ERN2: variants seen among roughly 807,000 people sequenced by gnomAD.
ERN2 encodes serine/threonine-protein kinase/endoribonuclease IRE2.
Under a neutral mutation model 107.9 loss-of-function variants are expected in ERN2, and 111 were observed. The ratio of observed to expected loss-of-function variants is 1.03; its 90% CI spans 0.88 to 1.20. ERN2 has a LOEUF of 1.20. Among genes scored for constraint, ERN2 ranks in the 50% most tolerant of loss-of-function variants. The pLI, the probability that ERN2 is intolerant of heterozygous loss-of-function variation, is 0.00. For synonymous variants in ERN2, 524 were observed against 501.7 expected, an observed-to-expected ratio of 1.04 and a Z score of -0.59; for missense variants, 1,225 against 1,197.9, an observed-to-expected ratio of 1.02 and a Z score of -0.33.
At chr16:23,695,722 C>CAAAAAAAAAAAAA (rs57103138) in intron 14 of ERN2, among the ~76,000 whole-genome samples, 172 bp downstream of exon 14, 1 of 37,372 alleles carries the variant, frequency 2.7e-5, no homozygotes, top group African/African-American at 9.6e-5. Flanking sequence ...GAGCAAGACT[C>CAAAAAAAAAAAAA]AAAAAAAAAA....
intron 8 of ERN2, 149 bp downstream of exon 8, chr16:23,704,734 C>T: frequency 2.2e-6 from 2 of 918,498 alleles, no homozygotes; most frequent in Non-Finnish European, 1.7e-6. Flanking sequence ...TATTTACCAA[C>T]CAGTTGGGTA....
intron 13 of ERN2, 46 bp downstream of exon 13, chr16:23,700,493 G>C (rs1377471136): frequency 1.3e-6 from 2 of 1,548,456 alleles, no homozygotes; most frequent in South Asian, 2.5e-5. Context: ...TCTGCCCCTG[G>C]CTTTTCTCTG....
chr16:23,690,409 A>G lies in ERN2; in HGVS notation c.*422T>C. On this transcript the variant is annotated 3_prime_UTR_variant, in exon 22 of 22. Transcript: ENST00000256797. ...TGAGGGGTGCCAGGGCCTGGGATCC[A>G]GCGAACATCTCTGCTTCATCAGCCC... 2.2e-6 allele frequency: 1 copy of G among 461,346 alleles called. No homozygotes were observed. The highest frequency in any genetic ancestry group is 2.5e-5 in the South Asian group (1 of 40,238). The allele number at this position is 461,346 out of a possible 1,614,324, so 28.6% of individuals were successfully genotyped here.
chr16:23,694,227 G>A (rs759938183), intron 17 of ERN2, among the ~76,000 whole-genome samples: 5 of 152,168 alleles, frequency 3.3e-5, no homozygotes, highest in Non-Finnish European at 7.3e-5. Flanking sequence ...GAACTCCTGA[G>A]CTCAAGCAAT....
intron 4 of ERN2, 173 bp from the exon 5 acceptor site, chr16:23,707,252 G>T: frequency 1.6e-6 from 1 of 619,694 alleles, no homozygotes. Context: ...ATGTCACACA[G>T]CTACTAAATG....
At chr16:23,698,713 C>G (rs2141010662) in intron 13 of ERN2, among the ~76,000 whole-genome samples, 1 of 152,212 alleles carries the variant, frequency 6.6e-6, no homozygotes, top group Middle Eastern at 3.4e-3. Flanking sequence ...AGCCACCCCC[C>G]AGTAGCTGGA....
chr16:23,709,010 A>G (rs1230052673), intron 4 of ERN2, among the ~76,000 whole-genome samples: 1 of 152,190 alleles, frequency 6.6e-6, no homozygotes, highest in East Asian at 1.9e-4. Context: ...AAACTATTCT[A>G]TTTGAGTATG....
chr16:23,704,766 T>C, intron 8 of ERN2, 117 bp downstream of exon 8: 12 of 1,150,654 alleles, frequency 1.0e-5, no homozygotes, highest in Non-Finnish European at 1.5e-5. Context: ...TGAAATGTTT[T>C]GACCCCTGGT....
At chr16:23,697,703 C>T (rs530446622) in intron 13 of ERN2, among the ~76,000 whole-genome samples, 1 of 152,256 alleles carries the variant, frequency 6.6e-6, no homozygotes, top group African/African-American at 2.4e-5. Context: ...TATCACTTTG[C>T]TTAGCCTTTT....
At chr16:23,706,903 G>A in intron 5 of ERN2, 42 bp from the exon 6 acceptor site, 1 of 1,572,398 alleles carries the variant, frequency 6.4e-7, no homozygotes, top group Non-Finnish European at 8.7e-7. Flanking sequence ...GTTGGCATGG[G>A]AAGAGGTGTG....
At chr16:23,691,477 G>T (rs1219096980) in intron 19 of ERN2, 52 bp from the exon 20 acceptor site, 39 of 1,579,298 alleles carry the variant, frequency 2.5e-5, no homozygotes, top group Non-Finnish European at 3.3e-5. Context: ...AGGCCACATA[G>T]CCAGGAGTGT....
intron 13 of ERN2, chr16:23,697,279 G>T (rs1044649291): frequency 6.6e-6 from 1 of 152,082 alleles, no homozygotes; most frequent in Non-Finnish European, 1.5e-5. Flanking sequence ...TGGATTATTT[G>T]CTTAGAGTTC....
At position 23,695,345 on chromosome 16, in the gene ERN2, C is replaced by G; in HGVS notation, c.1655G>C (p.Arg552Pro). Residue 552 changes from arginine (R) to proline (P), a missense_variant, in exon 15 of 22, where the codon CGC becomes CCC. Coordinates refer to ENST00000256797, the MANE Select transcript of ERN2 (RefSeq NM_033266.4). The part of the protein sequence containing the change: ...GRAVAVKRLL[R>P]ECFGLVRREV... The stretch of plus-strand genomic sequence containing the variant: ...CCGCCGAACCAGGCCAAAGCACTCG[C>G]GGAGGAGCCGCTTGACAGCCACTGC... 12 of 1,609,318 alleles carry G rather than the reference C, an allele frequency of 7.5e-6. No individual in the cohort carries two copies. The highest frequency in any genetic ancestry group is 1.0e-5 in the Non-Finnish European group (12 of 1,178,104).
At position 23,690,952 on chromosome 16, in the gene ERN2, G is replaced by C. The variant is rs1319306717; in HGVS notation, c.2660C>G (p.Pro887Arg). The C allele has an allele frequency of 6.2e-7, 1 of 1,614,148 alleles. No individual in the cohort carries two copies. Among genetic ancestry groups the C allele is most frequent in the South Asian group, 1.1e-5 (1 of 91,084 alleles). ...GFVQYFTNRF[P>R]RLLLHTHRAM... ...TCGGTGCGTGTGGAGGAGCAGCCGT[G>C]GGAAGCGGTTTGTGAAGTACTGGAC... Residue 887 changes from proline to arginine, a missense_variant, in exon 22 of 22, where the codon CCA becomes CGA. Coordinates refer to ENST00000256797, the MANE Select transcript of ERN2 (RefSeq NM_033266.4).
rs571323575 is a variant in ERN2 at position 23,713,124 on chromosome 16, C to T, written c.64G>A (p.Ala22Thr). The T allele has an allele frequency of 2.1e-5, 33 of 1,576,158 alleles. No individual in the cohort carries two copies. The South Asian group carries it at 3.7e-4, about 18-fold the overall frequency. Reference protein sequence around the residue: ...PRLGLQLQFAALLLGTLSPQV... With the variant: ...PRLGLQLQFATLLLGTLSPQV... ...GGACTCAGCGTCCCGAGCAGCAGCGCCGCGAACTGGAGCTGGAGCCCCAGC... is the reference window on the plus strand; with the variant it reads ...GGACTCAGCGTCCCGAGCAGCAGCGTCGCGAACTGGAGCTGGAGCCCCAGC... The change falls in exon 1 of 22, where the codon GCG becomes ACG. Residue 22 changes from alanine (A) to threonine (T), a missense_variant. Transcript: ENST00000256797.
chr16:23,695,744 A>C (rs1302482060), intron 14 of ERN2, 150 bp downstream of exon 14: 13 of 598,324 alleles, frequency 2.2e-5, no homozygotes, highest in Admixed American at 9.0e-5. Context: ...AAAAAAAAAA[A>C]AAACAGATAA....
intron 7 of ERN2, 51 bp from the exon 8 acceptor site, chr16:23,705,198 G>T: frequency 6.3e-7 from 1 of 1,586,424 alleles, no homozygotes; most frequent in Non-Finnish European, 8.6e-7. Context: ...TCCTAAGAGG[G>T]TCCAAGGGTG....
intron 4 of ERN2, 21 bp from the exon 5 acceptor site, chr16:23,707,100 A>G (rs1175175273): frequency 1.3e-6 from 2 of 1,588,116 alleles, no homozygotes; most frequent in South Asian, 1.1e-5. Flanking sequence ...GAAAATTTAC[A>G]GGAAGGAGTA....
Position 23,692,193 on chromosome 16 carries a change from C to T in ERN2, c.2239G>A (p.Glu747Lys). 6.2e-7 allele frequency: 1 copy of T among 1,614,138 alleles called. No individual in the cohort carries two copies. Among genetic ancestry groups the T allele is most frequent in the Non-Finnish European group, 8.5e-7 (1 of 1,180,042 alleles). The part of the protein sequence containing the change: ...GAPCLAHLEE[E>K]VHDKVVARDL... ...CCCAGGGCTCCCTCACCGTGGACCTCTTCCTCCAGGTGAGCCAGACAGGGA... is the reference window on the plus strand; with the variant it reads ...CCCAGGGCTCCCTCACCGTGGACCTTTTCCTCCAGGTGAGCCAGACAGGGA... Residue 747 changes from glutamate (E) to lysine (K), a missense_variant, in exon 18 of 22, where the codon GAG (glutamate) becomes AAG (lysine). Coordinates refer to ENST00000256797, the MANE Select transcript of ERN2 (RefSeq NM_033266.4).
Sources: gnomAD v4.1 joint callset for allele counts (sites outside exome capture counted in the v4.1 genomes callset) on GRCh38, gnomAD v4.1.1 for gene constraint, MANE v1.5 for transcripts, NCBI Gene and HGNC (gene_info 2026-07-23, HGNC 2026-07-21) for gene names.